The following EPHA5 variants were observed in gnomAD, a reference collection of about 807,000 sequenced individuals.
EPHA5 encodes the protein ephrin type-A receptor 5.
Under a neutral mutation model 105.0 loss-of-function variants are expected in EPHA5, and 60 were observed. The observed-to-expected ratio is 0.57, with a 90% CI of 0.46 to 0.71. The LOEUF (loss-of-function observed/expected upper bound fraction) is 0.71. EPHA5 is among the 30% of genes least tolerant of loss of function. The probability of loss-of-function intolerance (pLI) is 0.00; values close to 1 mark genes in which losing one functional copy is unlikely to be tolerated. For synonymous variants in EPHA5, 513 were observed against 449.1 expected (o/e 1.14, Z -1.80); for missense variants, 1,218 against 1,274.7 (o/e 0.96, Z 0.68).
chr4:65,366,159 G>C (rs2148893608), intron 9 of EPHA5, 102 bp from the exon 10 acceptor site: 1 of 1,141,448 alleles, frequency 8.8e-7, no homozygotes, highest in Non-Finnish European at 1.2e-6. Context: ...CTAATTCCTG[G>C]AAGTATTCAA....
intron 3 of EPHA5, among the ~76,000 whole-genome samples, chr4:65,521,090 G>A (rs1304278663): frequency 6.6e-6 from 1 of 152,060 alleles, no homozygotes; most frequent in Non-Finnish European, 1.5e-5. Flanking sequence ...GTTTATTGCG[G>A]CACTATTCAC....
chr4:65,471,928 T>A (rs970769173), intron 5 of EPHA5, among the ~76,000 whole-genome samples: 4 of 152,138 alleles, frequency 2.6e-5, no homozygotes, highest in Non-Finnish European at 4.4e-5. Context: ...CAATCATGCC[T>A]TCTCAACAGT....
chr4:65,538,097 T>C (rs1000199566), intron 3 of EPHA5, among the ~76,000 whole-genome samples: 29 of 151,828 alleles, frequency 1.9e-4, no homozygotes, highest in Non-Finnish European at 2.9e-5. Context: ...ATTGCTCAGC[T>C]GGTCATTTAG....
At chr4:65,407,911 A>G (rs1426703474) in intron 7 of EPHA5, among the ~76,000 whole-genome samples, 2 of 149,102 alleles carry the variant, frequency 1.3e-5, no homozygotes, top group East Asian at 2.0e-4. Flanking sequence ...CTGCACCACC[A>G]CCTATGGCTA....
At chr4:65,356,349 T>C (rs966903137) in intron 11 of EPHA5, among the ~76,000 whole-genome samples, 1 of 151,540 alleles carries the variant, frequency 6.6e-6, no homozygotes, top group Non-Finnish European at 1.5e-5. Context: ...GGAATTCTCA[T>C]ATAAAATTAT....
chr4:65,373,549 A>G (rs901452623), intron 8 of EPHA5, among the ~76,000 whole-genome samples: 2 of 151,954 alleles, frequency 1.3e-5, no homozygotes, highest in Admixed American at 1.3e-4. Flanking sequence ...TTAGGATAAT[A>G]GTTAATGTTT....
chr4:65,410,113 GT>G lies in EPHA5; in HGVS notation c.1687+4170del, dbSNP rs113796813. Among the ~76,000 whole-genome samples the G allele has an allele frequency of 8.9e-3, 1,361 of 152,244 alleles. 22 individuals carry two copies. The highest frequency in any genetic ancestry group is 0.031 in the African/African-American group (1,272 of 41,562). On this transcript the variant is annotated intron_variant, in intron 7 of 16. Transcript: ENST00000613740. ...TTGACATAAAAATCTGTATACAAAT[GT>G]TTACAGTATCTTTATTTGTGATAGC...
At chr4:65,585,485 C>T (rs1371947903) in intron 3 of EPHA5, among the ~76,000 whole-genome samples, 1 of 151,472 alleles carries the variant, frequency 6.6e-6, no homozygotes, top group Non-Finnish European at 1.5e-5. Context: ...TTTTAATTGA[C>T]CTTAAGAGCT....
intron 2 of EPHA5, among the ~76,000 whole-genome samples, chr4:65,625,338 T>C (rs1746040870): frequency 6.6e-6 from 1 of 152,136 alleles, no homozygotes; most frequent in Non-Finnish European, 1.5e-5. Flanking sequence ...AAATAATTAC[T>C]TGTTCTTTTT....
intron 15 of EPHA5, among the ~76,000 whole-genome samples, chr4:65,333,124 A>C (rs540874464): frequency 2.0e-5 from 3 of 151,990 alleles, no homozygotes; most frequent in African/African-American, 7.2e-5. Flanking sequence ...AATGTATCTT[A>C]AGGGAATAAT....
intron 8 of EPHA5, among the ~76,000 whole-genome samples, chr4:65,388,857 G>T (rs1033204364): frequency 6.6e-6 from 1 of 151,752 alleles, no homozygotes; most frequent in African/African-American, 2.4e-5. Flanking sequence ...TGTTGCCATT[G>T]CTTTTGGTGT....
At chr4:65,363,247 C>T (rs1428437756) in intron 11 of EPHA5, among the ~76,000 whole-genome samples, 1 of 151,542 alleles carries the variant, frequency 6.6e-6, no homozygotes, top group Admixed American at 6.6e-5. Context: ...TTACTTTGTG[C>T]CTTGCCCATT....
chr4:65,503,044 A>G (rs1172720859), intron 3 of EPHA5, among the ~76,000 whole-genome samples: 1 of 151,822 alleles, frequency 6.6e-6, no homozygotes, highest in East Asian at 1.9e-4. Flanking sequence ...ATTCTCACTT[A>G]TAAGTGGGAG....
chr4:65,643,693 A>AT (rs1747867033), intron 1 of EPHA5, among the ~76,000 whole-genome samples: 1 of 151,844 alleles, frequency 6.6e-6, no homozygotes, highest in South Asian at 2.1e-4. Context: ...ACAATAATAA[A>AT]TTTAAAAAAA....
intron 16 of EPHA5, among the ~76,000 whole-genome samples, chr4:65,330,266 T>G (rs1177476976): frequency 6.6e-6 from 1 of 150,974 alleles, no homozygotes; most frequent in African/African-American, 2.4e-5. Context: ...TGAGAAGACA[T>G]AAGAGGTTAT....
chr4:65,669,632 C>T lies in EPHA5; in HGVS notation c.111G>A (p.Arg37=), dbSNP rs754970717. Reference sequence around the variant, plus strand: ...GGAGAAGGCACGTCCAGAGGGGAGCCCGTCGAGGTGCAGAGTAGCAGCCGG... The same window carrying T: ...GGAGAAGGCACGTCCAGAGGGGAGCTCGTCGAGGTGCAGAGTAGCAGCCGG... ...SLAGCYSAPR[R]APLWTCLLLC... The change falls in exon 1 of 17, where the codon CGG becomes CGA. Residue 37 remains arginine (R), a synonymous_variant. Coordinates refer to ENST00000613740, the MANE Select transcript of EPHA5 (RefSeq NM_001281766.3). The T allele has an allele frequency of 2.8e-6, 4 of 1,414,250 alleles. No homozygotes were observed. Among genetic ancestry groups the T allele is most frequent in the East Asian group, 5.5e-5 (2 of 36,516 alleles). 87.6% of individuals were successfully genotyped at this position (1,414,250 alleles called of 1,614,324 possible).
At chr4:65,429,343 A>G (rs1473928616) in intron 5 of EPHA5, among the ~76,000 whole-genome samples, 1 of 152,004 alleles carries the variant, frequency 6.6e-6, no homozygotes, top group Non-Finnish European at 1.5e-5. Flanking sequence ...TTTGTTTTAC[A>G]GGAAATTAAG....
At chr4:65,348,269 T>C (rs1360766625) in intron 13 of EPHA5, 66 bp from the exon 14 acceptor site, 14 of 1,433,318 alleles carry the variant, frequency 9.8e-6, no homozygotes, top group African/African-American at 2.9e-5. Context: ...CAGTGTTGCC[T>C]CACTGAAAAG....
At chr4:65,325,533 A>G (rs1322679308) in intron 16 of EPHA5, among the ~76,000 whole-genome samples, 1 of 151,402 alleles carries the variant, frequency 6.6e-6, no homozygotes, top group African/African-American at 2.4e-5. Flanking sequence ...AATATTAAAC[A>G]GTAAGCTTAA....
Sources: gnomAD v4.1 joint callset for allele counts (sites outside exome capture counted in the v4.1 genomes callset) on GRCh38, gnomAD v4.1.1 for gene constraint, MANE v1.5 for transcripts, NCBI Gene and HGNC (gene_info 2026-07-23, HGNC 2026-07-21) for gene names.